Variants in PAMR1 observed in about 807,000 individuals in gnomAD.
PAMR1 encodes inactive serine protease PAMR1.
Under a neutral mutation model 81.8 loss-of-function variants are expected in PAMR1, and 88 were observed. That is an observed-to-expected ratio of 1.08 (90% confidence interval 0.91 to 1.28). PAMR1 has a LOEUF of 1.28. Among genes scored for constraint, PAMR1 ranks in the 50% most tolerant of loss-of-function variants. PAMR1 has a pLI of 0.00. For synonymous variants in PAMR1, 336 were observed against 345.3 expected, an observed-to-expected ratio of 0.97 and a Z score of 0.30; for missense variants, 935 against 919.7, an observed-to-expected ratio of 1.02 and a Z score of -0.21.
Position 35,525,595 on chromosome 11 carries a change from G to T in PAMR1, c.-10C>A. The T allele has an allele frequency of 1.2e-6, 2 of 1,613,416 alleles. No homozygotes were observed. The highest frequency in any genetic ancestry group is 1.7e-6 in the Non-Finnish European group (2 of 1,179,672). ...AGCAACCCAGCTCCATCCTTGCCGC[G>T]GCTGGTGCCCGAGCGTCTACTGGGG... On this transcript the variant is annotated 5_prime_UTR_variant, in exon 1 of 11. Transcript: ENST00000619888.
chr11:35,442,571 C>T (rs1856194424), intron 6 of PAMR1, among the ~76,000 whole-genome samples: 3 of 152,014 alleles, frequency 2.0e-5, no homozygotes, highest in African/African-American at 7.2e-5. Context: ...ACCTATCAGC[C>T]TCCCTACTTT....
chr11:35,469,513 A>G (rs1176614163), intron 5 of PAMR1, among the ~76,000 whole-genome samples: 1 of 152,240 alleles, frequency 6.6e-6, no homozygotes, highest in Admixed American at 6.5e-5. Flanking sequence ...ATTCAGCCAC[A>G]GGCTGATCAC....
chr11:35,467,922 G>T, intron 6 of PAMR1, 79 bp downstream of exon 6: 1 of 797,784 alleles, frequency 1.3e-6, no homozygotes, highest in South Asian at 1.6e-5. Context: ...TGAAGAAAGA[G>T]TTGGCCCTGC....
At chr11:35,473,142 G>A (rs1460893854) in intron 4 of PAMR1, among the ~76,000 whole-genome samples, 1 of 152,270 alleles carries the variant, frequency 6.6e-6, no homozygotes, top group African/African-American at 2.4e-5. Context: ...TCTGGTGGTA[G>A]GTGATGGAAA....
At chr11:35,438,382 A>G (rs1033503097) in intron 8 of PAMR1, among the ~76,000 whole-genome samples, 1 of 152,268 alleles carries the variant, frequency 6.6e-6, no homozygotes, top group Non-Finnish European at 1.5e-5. Context: ...CAAACATGCA[A>G]TAAATGTTAG....
intron 6 of PAMR1, among the ~76,000 whole-genome samples, chr11:35,462,040 C>CT (rs1185178636): frequency 1.8e-4 from 26 of 145,116 alleles, no homozygotes; most frequent in South Asian, 1.1e-3. Context: ...TTGATTGCTC[C>CT]TTTTTTTTTT....
rs189530692 is a variant in PAMR1, at chr11:35,499,541, C to T, written c.74-5269G>A. On this transcript the variant is annotated intron_variant, in intron 1 of 10. Coordinates refer to ENST00000619888, the MANE Select transcript of PAMR1 (RefSeq NM_001001991.3). The stretch of plus-strand genomic sequence containing the variant: ...TTAAGGTTTGTTCCACTCCCTGTTT[C>T]CCCCTAAGCAGCAGATTCGTTCACC... 1.3e-4 allele frequency among the ~76,000 whole-genome samples: 20 copies of T among 152,322 alleles called. No individual in the cohort carries two copies. The East Asian group carries it at 3.9e-3, about 29-fold the overall frequency.
chr11:35,480,273 A>C (rs1198436865), intron 3 of PAMR1, among the ~76,000 whole-genome samples: 2 of 152,192 alleles, frequency 1.3e-5, no homozygotes. Context: ...AGTTGAAAAA[A>C]TGGTTGTTCA....
At chr11:35,457,492 A>ATGTG (rs10671102) in intron 6 of PAMR1, among the ~76,000 whole-genome samples, 7 of 151,842 alleles carry the variant, frequency 4.6e-5, no homozygotes, top group Non-Finnish European at 8.8e-5. Flanking sequence ...CTTTGTGTGT[A>ATGTG]TGTGTGTGTG....
intron 2 of PAMR1, among the ~76,000 whole-genome samples, chr11:35,493,474 C>T (rs1481304782): frequency 6.6e-6 from 1 of 152,142 alleles, no homozygotes; most frequent in Non-Finnish European, 1.5e-5. Flanking sequence ...TCTCTCATCA[C>T]ATACACATTT....
chr11:35,473,609 T>C (rs1850229252), intron 4 of PAMR1, among the ~76,000 whole-genome samples: 1 of 152,148 alleles, frequency 6.6e-6, no homozygotes, highest in South Asian at 2.1e-4. Context: ...ACACAAGCTG[T>C]CATGCACTAG....
At chr11:35,500,052 C>T (rs1850802239) in intron 1 of PAMR1, among the ~76,000 whole-genome samples, 1 of 152,188 alleles carries the variant, frequency 6.6e-6, no homozygotes, top group Non-Finnish European at 1.5e-5. Context: ...CTCTAGAAGT[C>T]TGAAAAGGCA....
At chr11:35,453,276 C>T (rs1856457443) in intron 6 of PAMR1, 2 of 152,196 alleles carry the variant, frequency 1.3e-5, no homozygotes, top group South Asian at 4.1e-4. Flanking sequence ...AGTACAAAAG[C>T]CCATTGTTGG....
At chr11:35,435,111 G>C (rs1378426449) in intron 9 of PAMR1, among the ~76,000 whole-genome samples, 1 of 152,138 alleles carries the variant, frequency 6.6e-6, no homozygotes, top group East Asian at 1.9e-4. Context: ...CTGTAAAATG[G>C]ATAGAACAAT....
At position 35,432,775 on chromosome 11, in the gene PAMR1, C is replaced by A. The variant is rs375026661; in HGVS notation, c.1744G>T (p.Ala582Ser). Residue 582 changes from alanine to serine, a missense_variant, in exon 11 of 11, where the codon GCT (alanine) becomes TCT (serine). Transcript: ENST00000619888. Reference protein sequence around the residue: ...ISTRVQPICLAASRDLSTSFQ... With the variant: ...ISTRVQPICLSASRDLSTSFQ... ...GAAGTGCTGAGATCCCGACTGGCAGCGAGGCAGATGGGCTGGACTCGGGTG... is the reference window on the plus strand; with the variant it reads ...GAAGTGCTGAGATCCCGACTGGCAGAGAGGCAGATGGGCTGGACTCGGGTG... 14 of 1,612,668 alleles carry A rather than the reference C, an allele frequency of 8.7e-6. No homozygotes were observed. Among genetic ancestry groups the A allele is most frequent in the Middle Eastern group, 1.6e-4 (1 of 6,082 alleles).
At chr11:35,461,591 G>T (rs559501779) in intron 6 of PAMR1, among the ~76,000 whole-genome samples, 1 of 149,690 alleles carries the variant, frequency 6.7e-6, no homozygotes, top group South Asian at 2.1e-4. Flanking sequence ...TAATTGAAAA[G>T]AAAACTTTTC....
intron 1 of PAMR1, among the ~76,000 whole-genome samples, chr11:35,502,619 C>A (rs1435633399): frequency 1.3e-5 from 2 of 152,138 alleles, no homozygotes; most frequent in Admixed American, 1.3e-4. Flanking sequence ...CATACTATTC[C>A]ATGGTGTATA....
Position 35,470,749 on chromosome 11 carries a change from G to A in PAMR1, c.564C>T (p.Asp188=). Residue 188 remains aspartate, a synonymous_variant, in exon 5 of 11, where the codon GAC becomes GAT. Coordinates refer to ENST00000619888, the MANE Select transcript of PAMR1 (RefSeq NM_001001991.3). ...QYDYVEVRDG[D]NRDGQIIKRV... ...GCTTGATGATCTGGCCATCGCGGTT[G>A]TCTCCATCACGAACCTCAACATAGT... The A allele has an allele frequency of 1.2e-6, 2 of 1,614,150 alleles. No homozygotes were observed. The highest frequency in any genetic ancestry group is 1.7e-6 in the Non-Finnish European group (2 of 1,180,014).
intron 6 of PAMR1, among the ~76,000 whole-genome samples, chr11:35,448,083 T>C (rs929360416): frequency 6.6e-6 from 1 of 152,226 alleles, no homozygotes; most frequent in Non-Finnish European, 1.5e-5. Context: ...CATTTTTTCC[T>C]TCATTTCAAC....
Sources: allele counts gnomAD v4.1 joint callset (sites outside exome capture counted in the v4.1 genomes callset), GRCh38; gene constraint gnomAD v4.1.1; transcripts MANE v1.5; gene names NCBI Gene and HGNC (gene_info 2026-07-23, HGNC 2026-07-21).